Variants in DISP1 observed in about 807,000 individuals in gnomAD.
The protein encoded by DISP1 is dispatched RND transporter family member 1, also known as protein dispatched homolog 1.
A neutral mutation model predicts 37.3 loss-of-function variants in DISP1; 30 were observed. The observed-to-expected ratio is 0.80, with a 90% CI of 0.60 to 1.09. The LOEUF (loss-of-function observed/expected upper bound fraction) is 1.09, where lower values mean the gene tolerates loss of function less well. DISP1 is among the 50% of genes least tolerant of loss of function. The pLI, the probability that DISP1 is intolerant of heterozygous loss-of-function variation, is 0.00. For synonymous variants in DISP1, 634 were observed against 690.2 expected, an observed-to-expected ratio of 0.92 and a Z score of 1.28; for missense variants, 1,598 against 1,879.5, an observed-to-expected ratio of 0.85 and a Z score of 2.77.
intron 3 of DISP1, among the ~76,000 whole-genome samples, chr1:222,944,176 A>T (rs1042198254): frequency 6.6e-6 from 1 of 152,218 alleles, no homozygotes; most frequent in South Asian, 2.1e-4. Flanking sequence ...CCTTCATAGC[A>T]GATAAAACCT....
At chr1:223,001,300 G>T (rs887236361) in intron 8 of DISP1, among the ~76,000 whole-genome samples, 16 of 152,094 alleles carry the variant, frequency 1.1e-4, no homozygotes, top group Admixed American at 6.5e-5. Flanking sequence ...AAGGATTTTT[G>T]CCAATTTGAA....
At chr1:222,866,021 A>G (rs967189877) in intron 1 of DISP1, among the ~76,000 whole-genome samples, 16 of 152,156 alleles carry the variant, frequency 1.1e-4, no homozygotes, top group African/African-American at 3.6e-4. Context: ...AAGAGAAAGG[A>G]AACTGGCCAC....
intron 7 of DISP1, 27 bp from the exon 8 acceptor site, chr1:222,994,858 C>G: frequency 1.3e-6 from 2 of 1,510,374 alleles, no homozygotes; most frequent in Non-Finnish European, 1.8e-6. Context: ...AAACCTTTTT[C>G]TTTCCTTTTT....
chr1:222,990,867 T>G, intron 5 of DISP1, 119 bp downstream of exon 5: 1 of 1,370,146 alleles, frequency 7.3e-7, no homozygotes, highest in Non-Finnish European at 1.0e-6. Flanking sequence ...CAAGCAACAA[T>G]TCTCTTTCTG....
intron 3 of DISP1, among the ~76,000 whole-genome samples, chr1:222,948,103 A>C (rs1674930193): frequency 6.6e-6 from 1 of 152,206 alleles, no homozygotes; most frequent in South Asian, 2.1e-4. Flanking sequence ...AAGACAGAAG[A>C]AGGGAACTAA....
intron 2 of DISP1, among the ~76,000 whole-genome samples, chr1:222,942,457 A>T (rs1156871825): frequency 6.6e-6 from 1 of 152,078 alleles, no homozygotes; most frequent in Non-Finnish European, 1.5e-5. Context: ...AAGCTAAAGG[A>T]TGCTATTTGT....
intron 1 of DISP1, among the ~76,000 whole-genome samples, chr1:222,891,003 C>A (rs1670908496): frequency 6.6e-6 from 1 of 151,958 alleles, no homozygotes; most frequent in Non-Finnish European, 1.5e-5. Context: ...CTTTTATTTC[C>A]AAATAAGGTC....
intron 1 of DISP1, among the ~76,000 whole-genome samples, chr1:222,818,994 G>A (rs1444309072): frequency 6.6e-6 from 1 of 152,216 alleles, no homozygotes; most frequent in Non-Finnish European, 1.5e-5. Context: ...CAAATCTCAT[G>A]TCGAATTGTA....
chr1:222,820,157 T>C (rs1662454398), intron 1 of DISP1, among the ~76,000 whole-genome samples: 1 of 152,190 alleles, frequency 6.6e-6, no homozygotes, highest in South Asian at 2.1e-4. Context: ...GGGCAGATTT[T>C]CTGTAAGGAG....
intron 1 of DISP1, among the ~76,000 whole-genome samples, chr1:222,913,100 A>C (rs895392855): frequency 1.3e-5 from 2 of 152,226 alleles, no homozygotes; most frequent in Admixed American, 1.3e-4. Flanking sequence ...ATAGTAAAAA[A>C]AATAGTGACT....
intron 1 of DISP1, among the ~76,000 whole-genome samples, chr1:222,891,318 G>A (rs1335908643): frequency 1.3e-5 from 2 of 152,138 alleles, no homozygotes; most frequent in East Asian, 3.9e-4. Context: ...AATAATCAAA[G>A]ATAATTTCCT....
At chr1:222,948,998 C>A (rs2609382) in intron 3 of DISP1, among the ~76,000 whole-genome samples, 3 of 151,892 alleles carry the variant, frequency 2.0e-5, no homozygotes, top group Admixed American at 1.3e-4. Flanking sequence ...CTCTTTCATC[C>A]CCTCTTGATT....
intron 4 of DISP1, among the ~76,000 whole-genome samples, chr1:222,986,824 C>G (rs1678310770): frequency 6.6e-6 from 1 of 152,156 alleles, no homozygotes; most frequent in Admixed American, 6.5e-5. Flanking sequence ...GGGTCTTTCA[C>G]TGGAAAATGA....
chr1:222,947,854 G>A (rs180936602), intron 3 of DISP1, among the ~76,000 whole-genome samples: 38 of 152,254 alleles, frequency 2.5e-4, no homozygotes, highest in Non-Finnish European at 4.7e-4. Flanking sequence ...GGTCAGGACC[G>A]TTGTAGATAG....
intron 1 of DISP1, among the ~76,000 whole-genome samples, chr1:222,841,700 G>C (rs999883299): frequency 1.3e-5 from 2 of 152,000 alleles, no homozygotes; most frequent in Non-Finnish European, 2.9e-5. Context: ...TATTTAATGA[G>C]TATACTGTTT....
intron 1 of DISP1, among the ~76,000 whole-genome samples, chr1:222,819,602 C>T (rs1324945232): frequency 3.4e-5 from 5 of 147,948 alleles, no homozygotes; most frequent in South Asian, 2.1e-4. Context: ...TGCAGTGGCA[C>T]GATCTCAGCT....
Position 223,002,813 on chromosome 1 carries a change from T to C in DISP1, c.1416T>C (p.Phe472=). Residue 472 remains phenylalanine, a synonymous_variant, in exon 9 of 9, where the codon TTT becomes TTC. Transcript: ENST00000675850. ...TGATGAACATTTACTTGGACAACTTTGAAAACTGGAACTCTTCTGACGGCG... is the reference window on the plus strand; with the variant it reads ...TGATGAACATTTACTTGGACAACTTCGAAAACTGGAACTCTTCTGACGGCG... ...ESMMNIYLDN[F]ENWNSSDGVT... 6.2e-7 allele frequency: 1 copy of C among 1,614,128 alleles called. No individual in the cohort carries two copies. Among genetic ancestry groups the C allele is most frequent in the East Asian group, 2.2e-5 (1 of 44,876 alleles).
chr1:222,988,279 G>T (rs1678419970), intron 4 of DISP1, among the ~76,000 whole-genome samples: 1 of 152,134 alleles, frequency 6.6e-6, no homozygotes, highest in Admixed American at 6.6e-5. Flanking sequence ...GTAAGTTTTG[G>T]GAAACAGACA....
chr1:222,926,006 A>G (rs1041342479), intron 1 of DISP1, among the ~76,000 whole-genome samples: 7 of 152,206 alleles, frequency 4.6e-5, no homozygotes, highest in African/African-American at 1.4e-4. Context: ...CTGTGCAAAC[A>G]TCACCATTAT....
Sources: allele counts gnomAD v4.1 joint callset (sites outside exome capture counted in the v4.1 genomes callset), GRCh38; gene constraint gnomAD v4.1.1; transcripts MANE v1.5; gene names NCBI Gene and HGNC (gene_info 2026-07-23, HGNC 2026-07-21).